The following EYS variants were observed in gnomAD, a reference collection of about 807,000 sequenced individuals.
EYS encodes EGF-like photoreceptor maintenance factor, also known as protein eyes shut homolog.
EYS carries 250 observed loss-of-function variants against 282.1 expected under a neutral mutation model. That is an observed-to-expected ratio of 0.89 (90% CI 0.80 to 0.98). The LOEUF (loss-of-function observed/expected upper bound fraction) is 0.98, where lower values mean the gene tolerates loss of function less well. Ranked by LOEUF, EYS falls within the 50% of genes least tolerant of loss-of-function variation. The probability of loss-of-function intolerance (pLI) is 0.00; values close to 1 mark genes in which losing one functional copy is unlikely to be tolerated. For synonymous variants in EYS, 1,355 were observed against 1,282.9 expected, an observed-to-expected ratio of 1.06 and a Z score of -1.20; for missense variants, 4,016 against 3,709.0, an observed-to-expected ratio of 1.08 and a Z score of -2.15.
chr6:64,818,942 C>T (rs1303649049), intron 21 of EYS, among the ~76,000 whole-genome samples: 1 of 152,138 alleles, frequency 6.6e-6, no homozygotes, highest in African/African-American at 2.4e-5. Flanking sequence ...AGCAATTTTG[C>T]TTGTCTTGCT....
At chr6:63,944,381 G>A (rs1765331388) in intron 35 of EYS, among the ~76,000 whole-genome samples, 1 of 152,138 alleles carries the variant, frequency 6.6e-6, no homozygotes, top group African/African-American at 2.4e-5. Context: ...TTTTACGAAA[G>A]TGTACGACAT....
chr6:63,898,229 C>A (rs1210163560), intron 35 of EYS, among the ~76,000 whole-genome samples: 3 of 152,154 alleles, frequency 2.0e-5, no homozygotes, highest in Non-Finnish European at 4.4e-5. Context: ...TGGCTCATGC[C>A]TGTAATCCCA....
At chr6:63,829,263 G>A (rs1771557758) in intron 36 of EYS, among the ~76,000 whole-genome samples, 1 of 152,176 alleles carries the variant, frequency 6.6e-6, no homozygotes, top group South Asian at 2.1e-4. Flanking sequence ...GCAAGGTGGG[G>A]TATCACCTCA....
intron 13 of EYS, among the ~76,000 whole-genome samples, chr6:65,040,999 T>C (rs9360117): frequency 0.74 from 112,603 of 151,550 alleles, 42,967 homozygotes; most frequent in East Asian, 0.99. Flanking sequence ...AGATTAAGTC[T>C]GGATGTAGAT....
chr6:65,165,598 T>C (rs1226416351), intron 12 of EYS, among the ~76,000 whole-genome samples: 2 of 151,170 alleles, frequency 1.3e-5, no homozygotes, highest in African/African-American at 4.8e-5. Context: ...CTTTGGCTTC[T>C]TGTGAGATTT....
intron 2 of EYS, among the ~76,000 whole-genome samples, chr6:65,513,899 C>T (rs1218796370): frequency 6.6e-6 from 1 of 152,198 alleles, no homozygotes; most frequent in Non-Finnish European, 1.5e-5. Flanking sequence ...GCTGCCCTCT[C>T]TCACCACTCC....
intron 1 of EYS, among the ~76,000 whole-genome samples, chr6:65,663,834 C>CCACGCCCA: frequency 6.6e-6 from 1 of 151,204 alleles, no homozygotes; most frequent in South Asian, 2.1e-4. Context: ...GCGCCCGCCA[C>CCACGCCCA]CACGCCCAGC....
intron 26 of EYS, among the ~76,000 whole-genome samples, chr6:64,486,248 G>T (rs986395359): frequency 7.3e-5 from 11 of 151,352 alleles, no homozygotes; most frequent in Admixed American, 2.6e-4. Context: ...TTTGCAAAAT[G>T]ACATATCACA....
intron 2 of EYS, among the ~76,000 whole-genome samples, chr6:65,596,005 A>G (rs9354267): frequency 0.17 from 26,006 of 152,000 alleles, 2,765 homozygotes; most frequent in Middle Eastern, 0.34. Flanking sequence ...GAGCACCCCT[A>G]TGAGGAGAGA....
intron 14 of EYS, among the ~76,000 whole-genome samples, chr6:64,961,947 T>A (rs1437513125): frequency 6.6e-6 from 1 of 152,214 alleles, no homozygotes; most frequent in African/African-American, 2.4e-5. Flanking sequence ...ATTGATCCAT[T>A]AGTATTTTAA....
intron 31 of EYS, among the ~76,000 whole-genome samples, chr6:64,196,897 T>A (rs1026089278): frequency 6.6e-6 from 1 of 151,998 alleles, no homozygotes; most frequent in African/African-American, 2.4e-5. Context: ...AGTATAATAA[T>A]AATTTAAAAA....
chr6:65,483,830 G>T (rs565497194), intron 5 of EYS, among the ~76,000 whole-genome samples: 2 of 152,250 alleles, frequency 1.3e-5, no homozygotes, highest in South Asian at 4.1e-4. Flanking sequence ...GGAGGAGCAA[G>T]TCACATCTTA....
intron 31 of EYS, among the ~76,000 whole-genome samples, chr6:64,117,387 G>A (rs1029058293): frequency 3.4e-5 from 5 of 147,240 alleles, no homozygotes; most frequent in African/African-American, 7.5e-5. Flanking sequence ...GAAGGAAATA[G>A]AAACTAGATG....
chr6:65,255,663 AAATCAAAT>A (rs1767441519), intron 12 of EYS, among the ~76,000 whole-genome samples: 1 of 152,098 alleles, frequency 6.6e-6, no homozygotes, highest in South Asian at 2.1e-4. Context: ...TAACAGGAAA[AAATCAAAT>A]AATCAAATTA....
At chr6:64,799,946 C>T (rs1161907297) in intron 22 of EYS, among the ~76,000 whole-genome samples, 1 of 151,646 alleles carries the variant, frequency 6.6e-6, no homozygotes, top group Non-Finnish European at 1.5e-5. Flanking sequence ...ATATACATGC[C>T]CACACACAAA....
At chr6:65,115,121 C>T (rs1300422603) in intron 12 of EYS, among the ~76,000 whole-genome samples, 1 of 151,930 alleles carries the variant, frequency 6.6e-6, no homozygotes, top group Non-Finnish European at 1.5e-5. Context: ...TGCATCTTTG[C>T]CTGCAAACTT....
At chr6:64,214,700 A>G (rs995574268) in intron 31 of EYS, among the ~76,000 whole-genome samples, 1 of 152,042 alleles carries the variant, frequency 6.6e-6, no homozygotes, top group African/African-American at 2.4e-5. Context: ...ACTAAATATT[A>G]TATATAATAA....
At chr6:65,251,664 A>G (rs1266431790) in intron 12 of EYS, among the ~76,000 whole-genome samples, 1 of 152,002 alleles carries the variant, frequency 6.6e-6, no homozygotes, top group Non-Finnish European at 1.5e-5. Flanking sequence ...GTAGCAGGTA[A>G]AATGGGTAGA....
chr6:64,242,885 T>A (rs1766879275), intron 30 of EYS, among the ~76,000 whole-genome samples: 1 of 146,966 alleles, frequency 6.8e-6, no homozygotes, highest in Non-Finnish European at 1.5e-5. Flanking sequence ...ATAATCATAT[T>A]AATAAATATA....
Sources: gnomAD v4.1 joint callset for allele counts (sites outside exome capture counted in the v4.1 genomes callset) on GRCh38, gnomAD v4.1.1 for gene constraint, MANE v1.5 for transcripts, NCBI Gene and HGNC (gene_info 2026-07-23, HGNC 2026-07-21) for gene names.